PCDH9: variants seen among roughly 807,000 people sequenced by gnomAD.
PCDH9 encodes the protein protocadherin 9, also known as protocadherin-9.
In PCDH9, 24 loss-of-function variants were observed where a neutral mutation model predicts 70.6. That is an observed-to-expected ratio of 0.34 (90% CI 0.25 to 0.48). The LOEUF is 0.48. Among genes scored for constraint, PCDH9 ranks in the 20% least tolerant of loss-of-function variants. PCDH9 has a pLI of 0.99. For synonymous variants in PCDH9, 562 were observed against 558.5 expected (o/e 1.01, Z -0.09); for missense variants, 1,281 against 1,503.6 (o/e 0.85, Z 2.45).
intron 4 of PCDH9, among the ~76,000 whole-genome samples, chr13:66,513,755 G>A (rs1959600133): frequency 6.7e-6 from 1 of 148,834 alleles, no homozygotes; most frequent in South Asian, 2.1e-4. Context: ...TCCTGACTAT[G>A]CCCTTGAAAT....
chr13:66,595,132 C>T (rs571634288), intron 4 of PCDH9, among the ~76,000 whole-genome samples: 1 of 151,628 alleles, frequency 6.6e-6, no homozygotes, highest in South Asian at 2.1e-4. Flanking sequence ...CTTAATGGCT[C>T]AGGGATGTCT....
At chr13:67,160,827 T>C (rs2087938005) in intron 2 of PCDH9, among the ~76,000 whole-genome samples, 1 of 152,204 alleles carries the variant, frequency 6.6e-6, no homozygotes, top group Admixed American at 6.5e-5. Context: ...TCTGAACATT[T>C]GTGTAGCACT....
chr13:67,026,227 T>C (rs2084777942), intron 2 of PCDH9, among the ~76,000 whole-genome samples: 1 of 152,152 alleles, frequency 6.6e-6, no homozygotes, highest in African/African-American at 2.4e-5. Flanking sequence ...CTTTTTGATG[T>C]GCTGCTGGAT....
intron 3 of PCDH9, among the ~76,000 whole-genome samples, chr13:66,902,484 AT>A (rs200013733): frequency 2.5e-4 from 37 of 149,322 alleles, no homozygotes; most frequent in Non-Finnish European, 3.7e-4. Flanking sequence ...AATTATTACA[AT>A]TTTTTTTTTA....
At chr13:66,608,592 A>T (rs765292011) in intron 4 of PCDH9, among the ~76,000 whole-genome samples, 3 of 151,924 alleles carry the variant, frequency 2.0e-5, no homozygotes, top group Non-Finnish European at 4.4e-5. Flanking sequence ...TAGTGCTAGG[A>T]AAGAGGCAAA....
chr13:66,766,392 A>G (rs1164374774), intron 3 of PCDH9, among the ~76,000 whole-genome samples: 1 of 152,056 alleles, frequency 6.6e-6, no homozygotes, highest in African/African-American at 2.4e-5. Flanking sequence ...GATACATCCA[A>G]TCATTCCCAA....
chr13:66,690,491 C>G (rs913997011), intron 3 of PCDH9, among the ~76,000 whole-genome samples: 6 of 152,072 alleles, frequency 3.9e-5, no homozygotes, highest in African/African-American at 1.2e-4. Flanking sequence ...CCATCTTCTG[C>G]TCTCAAGAAG....
intron 4 of PCDH9, among the ~76,000 whole-genome samples, chr13:66,359,227 T>A (rs2138189487): frequency 6.6e-6 from 1 of 152,162 alleles, no homozygotes; most frequent in African/African-American, 2.4e-5. Context: ...TTGTATTATT[T>A]TTTTCATCTG....
chr13:67,222,693 A>AT (rs566043647), intron 2 of PCDH9: 1 of 152,104 alleles, frequency 6.6e-6, no homozygotes, highest in East Asian at 1.9e-4. Context: ...CACAGATTGT[A>AT]TTTTTTTAAA....
intron 2 of PCDH9, among the ~76,000 whole-genome samples, chr13:67,179,824 G>A (rs2088568616): frequency 6.6e-6 from 1 of 151,886 alleles, no homozygotes; most frequent in Non-Finnish European, 1.5e-5. Flanking sequence ...ACTTCTCTTG[G>A]GAATTTCATA....
chr13:66,637,600 G>C (rs1478439937), intron 3 of PCDH9, among the ~76,000 whole-genome samples: 2 of 151,974 alleles, frequency 1.3e-5, no homozygotes, highest in Non-Finnish European at 2.9e-5. Context: ...ATCCTTTTTT[G>C]AGTGGGAAAT....
chr13:66,750,528 C>T (rs996743461), intron 3 of PCDH9, among the ~76,000 whole-genome samples: 4 of 151,806 alleles, frequency 2.6e-5, no homozygotes, highest in Middle Eastern at 3.4e-3. Flanking sequence ...GTGTTTGTGA[C>T]AATGCAAAGC....
At chr13:67,077,168 A>C (rs1257511237) in intron 2 of PCDH9, among the ~76,000 whole-genome samples, 1 of 152,016 alleles carries the variant, frequency 6.6e-6, no homozygotes, top group African/African-American at 2.4e-5. Flanking sequence ...CCACTCCCTA[A>C]TCAAAGCTCC....
intron 3 of PCDH9, among the ~76,000 whole-genome samples, chr13:66,826,746 A>G (rs1323613145): frequency 6.6e-6 from 1 of 152,194 alleles, no homozygotes; most frequent in African/African-American, 2.4e-5. Context: ...AAACAGAGTC[A>G]GAGAAGATAT....
chr13:66,689,647 A>G (rs1012816854), intron 3 of PCDH9, among the ~76,000 whole-genome samples: 2 of 152,156 alleles, frequency 1.3e-5, no homozygotes, highest in East Asian at 1.9e-4. Flanking sequence ...GCCTACAGCT[A>G]TCCTCTCAGA....
chr13:67,064,846 A>T (rs887385629), intron 2 of PCDH9, among the ~76,000 whole-genome samples: 1 of 152,080 alleles, frequency 6.6e-6, no homozygotes, highest in Non-Finnish European at 1.5e-5. Flanking sequence ...GGTAAAGTAT[A>T]TGTATTTTTG....
At chr13:66,782,060 C>T (rs530939942) in intron 3 of PCDH9, among the ~76,000 whole-genome samples, 5 of 152,156 alleles carry the variant, frequency 3.3e-5, no homozygotes, top group African/African-American at 4.8e-5. Flanking sequence ...TTTGGTATTT[C>T]GACTCTCCCT....
chr13:66,673,493 A>G (rs2078204758), intron 3 of PCDH9, among the ~76,000 whole-genome samples: 1 of 152,160 alleles, frequency 6.6e-6, no homozygotes, highest in Non-Finnish European at 1.5e-5. Flanking sequence ...ACACAGAGAT[A>G]TGCACAGAAG....
intron 3 of PCDH9, among the ~76,000 whole-genome samples, chr13:66,773,189 C>G (rs1273203183): frequency 6.6e-6 from 1 of 152,138 alleles, no homozygotes; most frequent in Non-Finnish European, 1.5e-5. Flanking sequence ...TCAGGGCTTT[C>G]CAATAGAATT....
Sources: gnomAD v4.1 joint callset for allele counts (sites outside exome capture counted in the v4.1 genomes callset) on GRCh38, gnomAD v4.1.1 for gene constraint, MANE v1.5 for transcripts, NCBI Gene and HGNC (gene_info 2026-07-23, HGNC 2026-07-21) for gene names.